The following PCDH9 variants were observed in gnomAD, a reference collection of about 807,000 sequenced individuals.
PCDH9 encodes the protein protocadherin-9.
Under a neutral mutation model 70.6 loss-of-function variants are expected in PCDH9, and 24 were observed. The observed-to-expected ratio is 0.34, with a 90% CI of 0.25 to 0.48. The LOEUF (loss-of-function observed/expected upper bound fraction) is 0.48. PCDH9 is among the 20% of genes least tolerant of loss of function. The probability of loss-of-function intolerance (pLI) is 0.99; values close to 1 mark genes in which losing one functional copy is unlikely to be tolerated. For synonymous variants in PCDH9, 562 were observed against 558.5 expected (o/e 1.01, Z -0.09); for missense variants, 1,281 against 1,503.6 (o/e 0.85, Z 2.45).
intron 2 of PCDH9, among the ~76,000 whole-genome samples, chr13:67,189,002 CAT>C (rs1028567385): frequency 4.6e-5 from 7 of 152,134 alleles, no homozygotes; most frequent in African/African-American, 1.7e-4. Context: ...TTTGCATCCT[CAT>C]AGCTTAGCTC....
intron 3 of PCDH9, among the ~76,000 whole-genome samples, chr13:66,758,350 T>A (rs911512973): frequency 2.6e-5 from 4 of 152,042 alleles, no homozygotes; most frequent in Admixed American, 1.3e-4. Flanking sequence ...CAACCCTTCT[T>A]CCCCCTAACC....
Position 66,849,854 on chromosome 13 carries a change from C to T in PCDH9, c.3138+53650G>A, listed in dbSNP as rs970717629. 5.3e-5 allele frequency among the ~76,000 whole-genome samples: 8 copies of T among 152,046 alleles called. No homozygotes were observed. In the East Asian group the frequency reaches 5.8e-4, roughly 11 times the overall value. On this transcript the variant is annotated intron_variant, in intron 3 of 4. Coordinates refer to ENST00000377865, the MANE Select transcript of PCDH9 (RefSeq NM_203487.3). Reference sequence around the variant, plus strand: ...TACCAGAAACAGACATTGCTGAGAACGATGACTGACCTTGGTGCTGGCACA... The same window carrying T: ...TACCAGAAACAGACATTGCTGAGAATGATGACTGACCTTGGTGCTGGCACA...
intron 2 of PCDH9, among the ~76,000 whole-genome samples, chr13:67,056,597 C>A (rs1594450311): frequency 6.6e-6 from 1 of 152,116 alleles, no homozygotes; most frequent in Admixed American, 6.6e-5. Context: ...GAAGTTATAA[C>A]CCCTTTGTTC....
chr13:66,348,445 T>A (rs909137885), intron 4 of PCDH9, among the ~76,000 whole-genome samples: 3 of 151,880 alleles, frequency 2.0e-5, no homozygotes, highest in Non-Finnish European at 4.4e-5. Context: ...TCACCCAGGC[T>A]GGAGTGCAGT....
At chr13:66,368,849 G>C (rs1269054173) in intron 4 of PCDH9, among the ~76,000 whole-genome samples, 1 of 152,014 alleles carries the variant, frequency 6.6e-6, no homozygotes, top group Non-Finnish European at 1.5e-5. Context: ...GAGAGAGCTT[G>C]TGCAGGGAAA....
chr13:67,123,887 T>C (rs959179361), intron 2 of PCDH9, among the ~76,000 whole-genome samples: 3 of 151,624 alleles, frequency 2.0e-5, no homozygotes, highest in African/African-American at 4.8e-5. Context: ...TATAAATATA[T>C]AAATTATTTC....
chr13:67,047,147 G>C (rs1348664192), intron 2 of PCDH9, among the ~76,000 whole-genome samples: 1 of 150,700 alleles, frequency 6.6e-6, no homozygotes, highest in Non-Finnish European at 1.5e-5. Flanking sequence ...CACAACTAGT[G>C]CCAAAAGCAG....
intron 2 of PCDH9, chr13:67,207,869 A>G (rs1439228089): frequency 6.6e-6 from 1 of 152,172 alleles, no homozygotes; most frequent in Non-Finnish European, 1.5e-5. Flanking sequence ...CTTTTTCCCT[A>G]TATAGACTAC....
chr13:66,823,608 A>G (rs923120547), intron 3 of PCDH9, among the ~76,000 whole-genome samples: 13 of 152,120 alleles, frequency 8.5e-5, no homozygotes, highest in African/African-American at 2.9e-4. Flanking sequence ...ACATCTTTAT[A>G]TAAGTTTAAT....
chr13:66,321,238 C>G (rs1193577612), intron 4 of PCDH9, among the ~76,000 whole-genome samples: 1 of 152,014 alleles, frequency 6.6e-6, no homozygotes, highest in Non-Finnish European at 1.5e-5. Flanking sequence ...AAGCTGAATG[C>G]TAATCTGCCA....
At chr13:66,503,021 A>T (rs1202921920) in intron 4 of PCDH9, among the ~76,000 whole-genome samples, 3 of 152,214 alleles carry the variant, frequency 2.0e-5, no homozygotes, top group Non-Finnish European at 4.4e-5. Context: ...TACACCTTAA[A>T]GAATCAGTCA....
intron 3 of PCDH9, among the ~76,000 whole-genome samples, chr13:66,679,165 T>C (rs887901017): frequency 6.6e-6 from 1 of 151,856 alleles, no homozygotes; most frequent in Middle Eastern, 3.4e-3. Context: ...CTCTTGATCA[T>C]ACTGTACATA....
intron 2 of PCDH9, among the ~76,000 whole-genome samples, chr13:67,177,017 G>A (rs2088479842): frequency 6.6e-6 from 1 of 151,964 alleles, no homozygotes; most frequent in Non-Finnish European, 1.5e-5. Context: ...GAAGCAATAA[G>A]CATTGCTACC....
At chr13:66,730,862 T>TG (rs1273036216) in intron 3 of PCDH9, among the ~76,000 whole-genome samples, 3 of 87,980 alleles carry the variant, frequency 3.4e-5, no homozygotes, top group Non-Finnish European at 6.6e-5. Context: ...GTTTTTGTTT[T>TG]TTTGTGTGTG....
At chr13:66,875,188 C>T (rs545261072) in intron 3 of PCDH9, among the ~76,000 whole-genome samples, 44 of 152,108 alleles carry the variant, frequency 2.9e-4, no homozygotes, top group Non-Finnish European at 5.7e-4. Flanking sequence ...CAGCGGCATT[C>T]AAACAGCAAG....
At chr13:66,958,074 G>T (rs908005769) in intron 2 of PCDH9, among the ~76,000 whole-genome samples, 10 of 152,066 alleles carry the variant, frequency 6.6e-5, no homozygotes, top group African/African-American at 1.2e-4. Flanking sequence ...AGAAGAGGAA[G>T]AATTATACAT....
At chr13:67,072,106 G>C (rs2085778905) in intron 2 of PCDH9, among the ~76,000 whole-genome samples, 1 of 152,052 alleles carries the variant, frequency 6.6e-6, no homozygotes. Context: ...CTCTCTGTAG[G>C]TATTAGTGAA....
intron 4 of PCDH9, among the ~76,000 whole-genome samples, chr13:66,610,742 C>T (rs570653982): frequency 2.3e-4 from 35 of 152,260 alleles, no homozygotes; most frequent in African/African-American, 7.7e-4. Context: ...AATGAAGCAC[C>T]TTCTTTCATG....
intron 2 of PCDH9, among the ~76,000 whole-genome samples, chr13:67,066,867 A>G (rs886252339): frequency 6.6e-6 from 1 of 152,212 alleles, no homozygotes; most frequent in South Asian, 2.1e-4. Flanking sequence ...TCAAGGACAT[A>G]TATTTCCCTA....
Sources: gnomAD v4.1 joint callset for allele counts (sites outside exome capture counted in the v4.1 genomes callset) on GRCh38, gnomAD v4.1.1 for gene constraint, MANE v1.5 for transcripts, NCBI Gene and HGNC (gene_info 2026-07-23, HGNC 2026-07-21) for gene names.